QDPR: variants seen among roughly 807,000 people sequenced by gnomAD.
QDPR encodes the protein dihydropteridine reductase.
A neutral mutation model predicts 31.7 loss-of-function variants in QDPR; 23 were observed. That is an observed-to-expected ratio of 0.73 (90% CI 0.52 to 1.03). The LOEUF (loss-of-function observed/expected upper bound fraction) is 1.03, where lower values mean the gene tolerates loss of function less well. Among genes scored for constraint, QDPR ranks in the 50% least tolerant of loss-of-function variants. The pLI is 0.00. For synonymous variants in QDPR, 124 were observed against 124.7 expected (o/e 0.99, Z 0.03); for missense variants, 324 against 323.8 (o/e 1.00, Z 0.00).
intron 1 of QDPR, among the ~76,000 whole-genome samples, chr4:17,509,724 G>A (rs3822233): frequency 0.28 from 41,899 of 151,804 alleles, 6,137 homozygotes; most frequent in African/African-American, 0.36. Flanking sequence ...TTAAATAAAA[G>A]AAAAAGAAAA....
intron 3 of QDPR, among the ~76,000 whole-genome samples, chr4:17,503,059 G>C (rs1718627571): frequency 6.6e-6 from 1 of 152,186 alleles, no homozygotes; most frequent in Non-Finnish European, 1.5e-5. Context: ...GAATGTTTAT[G>C]CTAAATCTAA....
intron 4 of QDPR, 56 bp from the exon 5 acceptor site, chr4:17,492,396 G>A: frequency 7.5e-7 from 1 of 1,340,844 alleles, no homozygotes; most frequent in Non-Finnish European, 1.1e-6. Context: ...GGGACAGCAA[G>A]GACATGCAAT....
intron 4 of QDPR, among the ~76,000 whole-genome samples, chr4:17,494,056 G>A (rs558606720): frequency 1.7e-3 from 259 of 152,220 alleles, no homozygotes; most frequent in African/African-American, 6.0e-3. Context: ...ACCTGGCTTC[G>A]TGTCCAGGCT....
At chr4:17,502,533 T>C (rs1188991181) in intron 3 of QDPR, among the ~76,000 whole-genome samples, 1 of 152,014 alleles carries the variant, frequency 6.6e-6, no homozygotes, top group Non-Finnish European at 1.5e-5. Context: ...ATTTCCCCAC[T>C]AAAAAAGACT....
chr4:17,509,342 C>A lies in QDPR; in HGVS notation c.127G>T (p.Val43Leu), dbSNP rs1223710337. ...CTAGCGCTGGCCTCTTCATTCTCCA[C>A]CACATCAACGCTGGCAACCCACTGG... ...RNWWVASVDV[V>L]ENEEASASII... The change falls in exon 2 of 7, where the codon GTG (valine) becomes TTG (leucine). Residue 43 changes from valine (V) to leucine (L), a missense_variant. Physicochemically the swap from Val to Leu is conservative, Grantham distance 32. Coordinates refer to ENST00000281243, the MANE Select transcript of QDPR (RefSeq NM_000320.3). 1 of 1,613,888 alleles carries A rather than the reference C, an allele frequency of 6.2e-7. No individual in the cohort carries two copies. Among genetic ancestry groups the A allele is most frequent in the Admixed American group, 1.7e-5 (1 of 60,016 alleles).
chr4:17,498,345 T>C (rs150674442), intron 4 of QDPR, among the ~76,000 whole-genome samples: 10 of 152,270 alleles, frequency 6.6e-5, no homozygotes, highest in Non-Finnish European at 1.3e-4. Flanking sequence ...TATTTCGCCA[T>C]CCTTAGCTTC....
At chr4:17,511,541 A>T (rs886635001) in intron 1 of QDPR, among the ~76,000 whole-genome samples, 1 of 152,196 alleles carries the variant, frequency 6.6e-6, no homozygotes, top group Non-Finnish European at 1.5e-5. Context: ...AAATGGGGAA[A>T]CCGAGGTCCT....
chr4:17,509,340 C>T lies in QDPR; in HGVS notation c.129G>A (p.Val43=), dbSNP rs1204438417. ...RNWWVASVDV[V]ENEEASASII... is the part of the protein sequence containing the mutation. ...TGCTAGCGCTGGCCTCTTCATTCTCCACCACATCAACGCTGGCAACCCACT... is the reference window on the plus strand; with the variant it reads ...TGCTAGCGCTGGCCTCTTCATTCTCTACCACATCAACGCTGGCAACCCACT... Residue 43 remains valine (V), a synonymous_variant, in exon 2 of 7, where the codon GTG becomes GTA. Coordinates refer to ENST00000281243, the MANE Select transcript of QDPR (RefSeq NM_000320.3). The T allele has an allele frequency of 1.9e-6, 3 of 1,613,810 alleles. No individual in the cohort carries two copies. Among genetic ancestry groups the T allele is most frequent in the Middle Eastern group, 1.6e-4 (1 of 6,084 alleles).
At chr4:17,493,865 T>G (rs1258234271) in intron 4 of QDPR, among the ~76,000 whole-genome samples, 1 of 152,230 alleles carries the variant, frequency 6.6e-6, no homozygotes, top group Non-Finnish European at 1.5e-5. Flanking sequence ...ATCCTGAGGC[T>G]GTCTAGGGGC....
At chr4:17,495,307 T>G (rs1374849788) in intron 4 of QDPR, among the ~76,000 whole-genome samples, 1 of 152,114 alleles carries the variant, frequency 6.6e-6, no homozygotes, top group East Asian at 1.9e-4. Context: ...CTCCCGGGCA[T>G]CAAAACCCAC....
At chr4:17,487,307 T>C (rs1254024584) in intron 6 of QDPR, 71 bp from the exon 7 acceptor site, 3 of 1,124,338 alleles carry the variant, frequency 2.7e-6, no homozygotes, top group African/African-American at 1.6e-5. Flanking sequence ...ACCTTCACAG[T>C]GACGGCTTGT....
chr4:17,504,306 A>G, intron 3 of QDPR, 73 bp downstream of exon 3: 1 of 1,326,718 alleles, frequency 7.5e-7, no homozygotes, highest in South Asian at 1.2e-5. Flanking sequence ...CCTGTCACCT[A>G]GTGCAAACCC....
chr4:17,495,201 G>A (rs1045555502), intron 4 of QDPR, among the ~76,000 whole-genome samples: 1 of 152,148 alleles, frequency 6.6e-6, no homozygotes, highest in South Asian at 2.1e-4. Context: ...TGACGGGGAT[G>A]GTGACAACTC....
chr4:17,504,248 C>A, intron 3 of QDPR, 131 bp downstream of exon 3: 1 of 770,258 alleles, frequency 1.3e-6, no homozygotes, highest in Non-Finnish European at 2.3e-6. Flanking sequence ...ATCACTCTCT[C>A]CCCGAGCAAC....
rs568059153 is a variant in QDPR, at chr4:17,487,717, C to T, written c.630-481G>A. ...ATGGCTCACCCCTATGATCCCAGCA[C>T]TTTGAGATGCCAAGGCGGGCGGATC... On this transcript the variant is annotated intron_variant, in intron 6 of 6. Coordinates refer to ENST00000281243, the MANE Select transcript of QDPR (RefSeq NM_000320.3). 1.8e-3 allele frequency among the ~76,000 whole-genome samples: 273 copies of T among 152,264 alleles called. 4 individuals carry two copies. Among genetic ancestry groups the T allele is most frequent in the Middle Eastern group, 0.01 (3 of 294 alleles).
intron 6 of QDPR, chr4:17,490,417 C>G: frequency 2.1e-6 from 1 of 487,060 alleles, no homozygotes. Context: ...CTCAGCATGG[C>G]CGGTGGTGAG....
At chr4:17,501,668 A>G (rs1459118823) in intron 4 of QDPR, 51 bp downstream of exon 4, 3 of 1,608,384 alleles carry the variant, frequency 1.9e-6, no homozygotes, top group East Asian at 4.5e-5. Flanking sequence ...CAGCAGCCCC[A>G]GCAAGCAAGG....
chr4:17,509,427 A>G (rs975352523), intron 1 of QDPR, 64 bp from the exon 2 acceptor site: 7 of 1,451,924 alleles, frequency 4.8e-6, no homozygotes, highest in South Asian at 2.3e-5. Context: ...AGAGTCACAC[A>G]TAGAAATGAG....
intron 4 of QDPR, among the ~76,000 whole-genome samples, chr4:17,495,140 C>CG (rs1718306652): frequency 1.3e-5 from 2 of 152,192 alleles, no homozygotes; most frequent in Non-Finnish European, 2.9e-5. Flanking sequence ...CAGTCATCTG[C>CG]GGCCCATCCG....
Sources: gnomAD v4.1 joint callset for allele counts (sites outside exome capture counted in the v4.1 genomes callset) on GRCh38, gnomAD v4.1.1 for gene constraint, MANE v1.5 for transcripts, NCBI Gene and HGNC (gene_info 2026-07-23, HGNC 2026-07-21) for gene names.